Variants in CNTN6 observed in about 807,000 individuals in gnomAD.
The protein encoded by CNTN6 is contactin 6, also known as contactin-6.
In CNTN6, 137 loss-of-function variants were observed where a neutral mutation model predicts 122.8. The observed-to-expected ratio is 1.12, with a 90% confidence interval of 0.97 to 1.29. CNTN6 has a LOEUF of 1.29. Ranked by LOEUF, CNTN6 falls within the 50% of genes most tolerant of loss-of-function variation. The probability of loss-of-function intolerance (pLI) is 0.00; values close to 1 mark genes in which losing one functional copy is unlikely to be tolerated. For synonymous variants in CNTN6, 570 were observed against 426.0 expected (o/e 1.34, Z -4.16); for missense variants, 1,634 against 1,223.4 (o/e 1.34, Z -5.01).
intron 1 of CNTN6, among the ~76,000 whole-genome samples, chr3:1,115,181 A>T (rs1029369892): frequency 6.6e-6 from 1 of 152,186 alleles, no homozygotes; most frequent in African/African-American, 2.4e-5. Flanking sequence ...TAGGCTCTTA[A>T]ATACCCATGT....
chr3:1,400,779 G>A (rs1435708043), intron 20 of CNTN6, among the ~76,000 whole-genome samples: 1 of 152,056 alleles, frequency 6.6e-6, no homozygotes, highest in African/African-American at 2.4e-5. Flanking sequence ...TTTCTGCCGT[G>A]TGCAGTGAGA....
At chr3:1,209,481 G>A (rs1174171388) in intron 2 of CNTN6, among the ~76,000 whole-genome samples, 2 of 152,158 alleles carry the variant, frequency 1.3e-5, no homozygotes. Context: ...GTCTAGCTTT[G>A]CATCTTGTGA....
At chr3:1,283,004 G>A (rs113930769) in intron 5 of CNTN6, among the ~76,000 whole-genome samples, 4,911 of 151,994 alleles carry the variant, frequency 0.032, 271 homozygotes, top group African/African-American at 0.11. Context: ...AGGGAGTCTC[G>A]CCCTGTTGCC....
At chr3:1,356,175 T>C (rs553018963) in intron 12 of CNTN6, among the ~76,000 whole-genome samples, 2 of 151,930 alleles carry the variant, frequency 1.3e-5, no homozygotes, top group African/African-American at 2.4e-5. Flanking sequence ...AATTATTTGA[T>C]CTGGCATTTG....
At chr3:1,388,246 C>G (rs899262573) in intron 20 of CNTN6, among the ~76,000 whole-genome samples, 6 of 148,816 alleles carry the variant, frequency 4.0e-5, no homozygotes, top group Admixed American at 2.7e-4. Context: ...TCAAGTGGGT[C>G]CCTGACCCCT....
intron 2 of CNTN6, among the ~76,000 whole-genome samples, chr3:1,173,915 A>C (rs2093404360): frequency 6.6e-6 from 1 of 152,196 alleles, no homozygotes; most frequent in Admixed American, 6.5e-5. Context: ...TGGGGTTGGA[A>C]TTATGAATTT....
chr3:1,120,255 A>G (rs34918453), intron 1 of CNTN6, among the ~76,000 whole-genome samples: 34,753 of 151,774 alleles, frequency 0.23, 4,888 homozygotes, highest in Non-Finnish European at 0.31. Context: ...TTGATGGGTT[A>G]TATGTGATGT....
At chr3:1,316,674 A>T (rs1025279709) in intron 7 of CNTN6, among the ~76,000 whole-genome samples, 1 of 151,874 alleles carries the variant, frequency 6.6e-6, no homozygotes, top group African/African-American at 2.4e-5. Context: ...TGAGAGCCAC[A>T]TTTCTCTCTT....
intron 4 of CNTN6, among the ~76,000 whole-genome samples, chr3:1,266,762 TCA>T (rs2094932259): frequency 6.6e-6 from 1 of 151,696 alleles, no homozygotes; most frequent in Non-Finnish European, 1.5e-5. Context: ...CTAATGAGAG[TCA>T]CACATGTGAA....
At chr3:1,124,455 A>T (rs1004593211) in intron 1 of CNTN6, among the ~76,000 whole-genome samples, 5 of 151,816 alleles carry the variant, frequency 3.3e-5, no homozygotes, top group Admixed American at 1.3e-4. Context: ...CCTTTGGCCT[A>T]TTATCTTCCA....
chr3:1,368,236 C>G (rs145759805), intron 12 of CNTN6, among the ~76,000 whole-genome samples: 2 of 152,230 alleles, frequency 1.3e-5, no homozygotes, highest in Non-Finnish European at 2.9e-5. Context: ...CATGAAGTCC[C>G]TTTCAATTTC....
intron 1 of CNTN6, among the ~76,000 whole-genome samples, chr3:1,141,410 A>G (rs888178054): frequency 6.6e-6 from 1 of 152,218 alleles, no homozygotes; most frequent in African/African-American, 2.4e-5. Context: ...CACTTGCAAC[A>G]ATGATGTCCT....
At chr3:1,299,533 A>G (rs1237795743) in intron 7 of CNTN6, among the ~76,000 whole-genome samples, 1 of 152,194 alleles carries the variant, frequency 6.6e-6, no homozygotes, top group African/African-American at 2.4e-5. Context: ...CCTATAACTA[A>G]GCATTTATGA....
At chr3:1,130,399 C>G (rs2092306137) in intron 1 of CNTN6, among the ~76,000 whole-genome samples, 1 of 152,036 alleles carries the variant, frequency 6.6e-6, no homozygotes, top group East Asian at 1.9e-4. Context: ...GTGCTTTCCT[C>G]CAAGCAAGAA....
intron 1 of CNTN6, among the ~76,000 whole-genome samples, chr3:1,094,540 C>T (rs1352695304): frequency 6.6e-6 from 1 of 152,028 alleles, no homozygotes. Flanking sequence ...AAAAGTCAAT[C>T]ATTTATAAAT....
chr3:1,293,783 C>G (rs1695733024), intron 5 of CNTN6, among the ~76,000 whole-genome samples: 1 of 152,158 alleles, frequency 6.6e-6, no homozygotes, highest in Admixed American at 6.5e-5. Flanking sequence ...TTTTGGGGAT[C>G]TCCTTTGGAC....
intron 5 of CNTN6, among the ~76,000 whole-genome samples, chr3:1,281,064 C>T (rs1457678545): frequency 6.6e-6 from 1 of 152,132 alleles, no homozygotes; most frequent in Middle Eastern, 3.2e-3. Context: ...AAGCTGAAGT[C>T]AGTTTCTTTA....
intron 2 of CNTN6, among the ~76,000 whole-genome samples, chr3:1,150,251 T>C (rs2092810921): frequency 6.6e-6 from 1 of 152,238 alleles, no homozygotes; most frequent in South Asian, 2.1e-4. Flanking sequence ...GATAGAGTTC[T>C]GTGACTATGC....
rs1009320551 is a variant in CNTN6, at chr3:1,263,538, G to A, written c.359-14875G>A. ...CCTAGCTACCACATGTTTCCAGGTC[G>A]ATCCTAGCCTCTTCTCTAAGAAACC... On this transcript the variant is annotated intron_variant, in intron 4 of 22. Coordinates refer to ENST00000446702, the MANE Select transcript of CNTN6 (RefSeq NM_001289080.2). Among the ~76,000 whole-genome samples, 5 of 152,198 alleles carry A rather than the reference G, an allele frequency of 3.3e-5. No homozygotes were observed. The South Asian group carries it at 6.2e-4, about 19-fold the overall frequency.
Sources: gnomAD v4.1 joint callset for allele counts (sites outside exome capture counted in the v4.1 genomes callset) on GRCh38, gnomAD v4.1.1 for gene constraint, MANE v1.5 for transcripts, NCBI Gene and HGNC (gene_info 2026-07-23, HGNC 2026-07-21) for gene names.